Variants in COL28A1 observed in about 807,000 individuals in gnomAD.
COL28A1 encodes collagen type XXVIII alpha 1 chain.
COL28A1 carries 161 observed loss-of-function variants against 150.2 expected under a neutral mutation model. The ratio of observed to expected loss-of-function variants is 1.07; its 90% CI spans 0.94 to 1.22. COL28A1 has a LOEUF of 1.22. COL28A1 is among the 50% of genes most tolerant of loss of function. COL28A1 has a pLI of 0.00. For missense variants in COL28A1, 1,617 were observed against 1,388.3 expected, an observed-to-expected ratio of 1.16 and a Z score of -2.62; for synonymous variants, 552 against 469.7, an observed-to-expected ratio of 1.18 and a Z score of -2.26.
rs111298890 is a variant in COL28A1, at chr7:7,390,198, T to G, written c.2137-8586A>C. Reference sequence around the variant, plus strand: ...CCTAGTTTATTGAGAGTTTTTAGCATGAAGGGATGTTGAATTTTGTCAAAG... The same window carrying G: ...CCTAGTTTATTGAGAGTTTTTAGCAGGAAGGGATGTTGAATTTTGTCAAAG... On this transcript the variant is annotated intron_variant, in intron 27 of 34. Coordinates refer to ENST00000399429, the MANE Select transcript of COL28A1 (RefSeq NM_001037763.3). 3.1e-3 allele frequency among the ~76,000 whole-genome samples: 471 copies of G among 152,326 alleles called. 6 individuals are homozygous for G. Among genetic ancestry groups the G allele is most frequent in the African/African-American group, 0.011 (439 of 41,574 alleles).
intron 25 of COL28A1, chr7:7,431,499 ATAATCAGCCATCCTGGCGAG>A (rs1197788303): frequency 4.2e-6 from 2 of 470,830 alleles, no homozygotes; most frequent in African/African-American, 4.0e-5. Context: ...TAAGCTTTTA[ATAATCAGCCATCCTGGCGAG>A]TCCCTGATGC....
chr7:7,515,775 T>G, intron 8 of COL28A1, 39 bp downstream of exon 8: 1 of 887,770 alleles, frequency 1.1e-6, no homozygotes. Context: ...GTTTTTCTTT[T>G]TGAAATTCTG....
the COL28A1 span, among the ~76,000 whole-genome samples, chr7:7,350,628 G>C: frequency 1.3e-5 from 2 of 150,428 alleles, no homozygotes; most frequent in Non-Finnish European, 3.0e-5. Flanking sequence ...TTCCAGCAGG[G>C]AGATGTTCTG....
chr7:7,507,210 G>C (rs189715977), intron 9 of COL28A1, 49 bp from the exon 10 acceptor site: 2 of 818,676 alleles, frequency 2.4e-6, no homozygotes, highest in African/African-American at 1.7e-5. Context: ...CATCTTCAAC[G>C]TGCAGTGATT....
chr7:7,410,241 T>C (rs976356619), intron 27 of COL28A1, among the ~76,000 whole-genome samples: 39 of 152,148 alleles, frequency 2.6e-4, no homozygotes, highest in African/African-American at 9.4e-4. Flanking sequence ...CAGGTAATTG[T>C]TTACAATTTG....
At chr7:7,460,765 G>A (rs1787550710) in intron 15 of COL28A1, among the ~76,000 whole-genome samples, 1 of 152,178 alleles carries the variant, frequency 6.6e-6, no homozygotes, top group Non-Finnish European at 1.5e-5. Flanking sequence ...CTTTGCTGAT[G>A]GTAGAAGTCA....
intron 27 of COL28A1, among the ~76,000 whole-genome samples, chr7:7,410,228 AC>A (rs1783705071): frequency 6.6e-6 from 1 of 152,126 alleles, no homozygotes; most frequent in African/African-American, 2.4e-5. Flanking sequence ...TTGGTTTATA[AC>A]CCAGGTAATT....
chr7:7,425,552 T>G (rs1291706822), intron 25 of COL28A1, among the ~76,000 whole-genome samples: 1 of 152,190 alleles, frequency 6.6e-6, no homozygotes, highest in Non-Finnish European at 1.5e-5. Context: ...TGCGGTTTAC[T>G]CCAATGTGTT....
chr7:7,484,629 GAAGT>G (rs1562800352), intron 13 of COL28A1, among the ~76,000 whole-genome samples: 1 of 151,504 alleles, frequency 6.6e-6, no homozygotes. Context: ...AGAAATGATT[GAAGT>G]AAAAGTGTCA....
At chr7:7,449,564 AT>A (rs1297377228) in intron 18 of COL28A1, among the ~76,000 whole-genome samples, 1 of 152,034 alleles carries the variant, frequency 6.6e-6, no homozygotes, top group African/African-American at 2.4e-5. Context: ...GAGCTAAAAA[AT>A]AATAGGCAAA....
the COL28A1 span, among the ~76,000 whole-genome samples, chr7:7,350,182 C>G: frequency 2.0e-5 from 3 of 152,060 alleles, no homozygotes; most frequent in African/African-American, 7.2e-5. Flanking sequence ...GGTGCAATGA[C>G]AGTCTCAGGG....
At chr7:7,392,136 T>G (rs1782581498) in intron 27 of COL28A1, among the ~76,000 whole-genome samples, 1 of 152,242 alleles carries the variant, frequency 6.6e-6, no homozygotes, top group Admixed American at 6.5e-5. Flanking sequence ...TTTCCATGTT[T>G]AGTGCTCCCT....
chr7:7,371,101 T>G (rs1483608119), intron 32 of COL28A1, among the ~76,000 whole-genome samples: 1 of 152,200 alleles, frequency 6.6e-6, no homozygotes, highest in Non-Finnish European at 1.5e-5. Context: ...GACTTGAATG[T>G]ATGTTCATCC....
rs774900312 is a variant in COL28A1 at position 7,515,833 on chromosome 7, G to C, written c.863C>G (p.Pro288Arg). 2.8e-5 allele frequency: 29 copies of C among 1,035,608 alleles called. No individual in the cohort carries two copies. The highest frequency in any genetic ancestry group is 4.4e-5 in the Non-Finnish European group (29 of 655,750). 64.2% of individuals were successfully genotyped at this position (1,035,608 alleles called of 1,614,324 possible). The change falls in exon 8 of 35, where the codon CCT (proline) becomes CGT (arginine). Residue 288 changes from proline (P) to arginine (R), a missense_variant. Pro to Arg is a moderately radical substitution (Grantham distance 103). Coordinates refer to ENST00000399429, the MANE Select transcript of COL28A1 (RefSeq NM_001037763.3). ...ACTTACCTTGTCACCCTTGTACCCA[G>C]GAATTCCCTAATTTAAAAAGAAAAT... ...EAGERGPGGIPGYKGDKGERG... is the reference protein window; with the variant it reads ...EAGERGPGGIRGYKGDKGERG...
At chr7:7,363,881 A>C (rs1174031933) in intron 33 of COL28A1, among the ~76,000 whole-genome samples, 1 of 152,060 alleles carries the variant, frequency 6.6e-6, no homozygotes, top group African/African-American at 2.4e-5. Flanking sequence ...CCCAGATTCA[A>C]GCAGTTCTCA....
chr7:7,497,348 C>T (rs944535342), intron 11 of COL28A1, among the ~76,000 whole-genome samples: 3 of 152,206 alleles, frequency 2.0e-5, no homozygotes, highest in African/African-American at 7.2e-5. Flanking sequence ...AAGTGCTGCT[C>T]TATGTGACTG....
chr7:7,459,436 G>C (rs1286588247), intron 15 of COL28A1, among the ~76,000 whole-genome samples: 2 of 152,080 alleles, frequency 1.3e-5, no homozygotes, highest in African/African-American at 4.8e-5. Context: ...ATAAAAATAA[G>C]TCATTCAAGA....
Position 7,477,180 on chromosome 7 carries a change from C to T in COL28A1, c.1165G>A (p.Gly389Ser). The T allele has an allele frequency of 8.4e-7, 1 of 1,194,724 alleles. No individual in the cohort carries two copies. The highest frequency in any genetic ancestry group is 1.3e-6 in the Non-Finnish European group (1 of 796,656). 74.0% of individuals were successfully genotyped at this position (1,194,724 alleles called of 1,614,324 possible). ...GGTACTCCCTCAGGACCACGGGGACCCTGGTTAGGATAGGAGAAAATGAGG... is the reference window on the plus strand; with the variant it reads ...GGTACTCCCTCAGGACCACGGGGACTCTGGTTAGGATAGGAGAAAATGAGG... ...PIGVGEPGQP[G>S]PRGPEGVPGE... The change falls in exon 14 of 35, where the codon GGT (glycine) becomes AGT (serine). Residue 389 changes from glycine (G) to serine (S), a missense_variant and splice_region_variant. Coordinates refer to ENST00000399429, the MANE Select transcript of COL28A1 (RefSeq NM_001037763.3).
chr7:7,338,195 TTG>T, the COL28A1 span, among the ~76,000 whole-genome samples: 1 of 152,182 alleles, frequency 6.6e-6, no homozygotes, highest in Non-Finnish European at 1.5e-5. Context: ...GGCTCTCTTT[TTG>T]TTTGTTTGTT....
Sources: allele counts gnomAD v4.1 joint callset (sites outside exome capture counted in the v4.1 genomes callset), GRCh38; gene constraint gnomAD v4.1.1; transcripts MANE v1.5; gene names NCBI Gene and HGNC (gene_info 2026-07-23, HGNC 2026-07-21).